ASCC3: variants seen among roughly 807,000 people sequenced by gnomAD.
The protein encoded by ASCC3 is activating signal cointegrator 1 complex subunit 3, also known as ASC-1 complex subunit P200.
ASCC3 carries 158 observed loss-of-function variants against 256.3 expected under a neutral mutation model. That is an observed-to-expected ratio of 0.62 (90% CI 0.54 to 0.70). The LOEUF is 0.70. ASCC3 is among the 30% of genes least tolerant of loss of function. The pLI, the probability that ASCC3 is intolerant of heterozygous loss-of-function variation, is 0.00. For synonymous variants in ASCC3, 948 were observed against 883.4 expected (o/e 1.07, Z -1.30); for missense variants, 2,259 against 2,626.0 (o/e 0.86, Z 3.05).
intron 4 of ASCC3, among the ~76,000 whole-genome samples, chr6:100,810,969 T>C (rs1405422881): frequency 6.6e-6 from 1 of 152,160 alleles, no homozygotes; most frequent in African/African-American, 2.4e-5. Context: ...TCCTCCTTTC[T>C]TATATCCTTC....
intron 36 of ASCC3, among the ~76,000 whole-genome samples, chr6:100,571,185 C>G (rs1044143868): frequency 9.9e-5 from 15 of 152,144 alleles, no homozygotes; most frequent in African/African-American, 2.9e-4. Context: ...TTCTGCTATT[C>G]TTTGAAATTT....
chr6:100,865,841 T>C (rs1054735359), intron 2 of ASCC3, among the ~76,000 whole-genome samples: 3 of 152,196 alleles, frequency 2.0e-5, no homozygotes, highest in Admixed American at 1.3e-4. Flanking sequence ...GCCTATAAAA[T>C]TCACAACATT....
At chr6:100,851,514 T>C (rs1772666704) in intron 3 of ASCC3, among the ~76,000 whole-genome samples, 1 of 152,222 alleles carries the variant, frequency 6.6e-6, no homozygotes, top group South Asian at 2.1e-4. Context: ...GAGAAAATAA[T>C]TGTAGACTCA....
At chr6:100,528,332 A>T (rs1774694186) in intron 37 of ASCC3, among the ~76,000 whole-genome samples, 1 of 152,210 alleles carries the variant, frequency 6.6e-6, no homozygotes, top group South Asian at 2.1e-4. Context: ...CAACAATCCC[A>T]CCAATATACT....
chr6:100,809,166 A>AT, intron 4 of ASCC3, among the ~76,000 whole-genome samples: 1 of 150,330 alleles, frequency 6.7e-6, no homozygotes. Flanking sequence ...CACTACATTT[A>AT]TTTTTTCAAA....
chr6:100,799,127 A>T (rs1769784317), intron 7 of ASCC3, among the ~76,000 whole-genome samples: 1 of 152,102 alleles, frequency 6.6e-6, no homozygotes, highest in South Asian at 2.1e-4. Context: ...ATACAAATGT[A>T]TTCATATAAT....
chr6:100,645,836 T>C (rs1235404307), intron 22 of ASCC3, among the ~76,000 whole-genome samples: 1 of 152,116 alleles, frequency 6.6e-6, no homozygotes, highest in Non-Finnish European at 1.5e-5. Flanking sequence ...AAAAACTGTA[T>C]AGTGTTAAAT....
intron 3 of ASCC3, among the ~76,000 whole-genome samples, chr6:100,853,420 C>CTTTTT (rs11299576): frequency 6.3e-5 from 8 of 127,668 alleles, no homozygotes; most frequent in South Asian, 2.5e-4. Flanking sequence ...ATAAATATTC[C>CTTTTT]TTTTTTTTTT....
At chr6:100,706,573 A>G (rs1490792620) in intron 13 of ASCC3, among the ~76,000 whole-genome samples, 1 of 151,962 alleles carries the variant, frequency 6.6e-6, no homozygotes, top group East Asian at 1.9e-4. Context: ...TTATTGAAAT[A>G]GGTATATTTA....
chr6:100,608,059 C>CGATATAT (rs1274134999), intron 30 of ASCC3, among the ~76,000 whole-genome samples: 243 of 13,908 alleles, frequency 0.017, 3 homozygotes, highest in Middle Eastern at 0.036. Context: ...TACATATATA[C>CGATATAT]ACATATATAT....
At chr6:100,740,307 T>C (rs369486953) in intron 10 of ASCC3, among the ~76,000 whole-genome samples, 10 of 152,342 alleles carry the variant, frequency 6.6e-5, no homozygotes, top group East Asian at 5.8e-4. Flanking sequence ...CTGTTGATTA[T>C]GATTTCAGTT....
chr6:100,775,163 C>T (rs114507354), intron 8 of ASCC3, among the ~76,000 whole-genome samples: 2,263 of 152,086 alleles, frequency 0.015, 56 homozygotes, highest in African/African-American at 0.052. Flanking sequence ...TGACCAAAAG[C>T]GACACGGTTA....
At chr6:100,673,484 A>G (rs1003629043) in intron 14 of ASCC3, among the ~76,000 whole-genome samples, 4 of 152,294 alleles carry the variant, frequency 2.6e-5, no homozygotes, top group Non-Finnish European at 5.9e-5. Context: ...ATTTATTGTA[A>G]GAAATTTATT....
chr6:100,607,652 C>G (rs1772970166), intron 30 of ASCC3, among the ~76,000 whole-genome samples: 1 of 151,732 alleles, frequency 6.6e-6, no homozygotes, highest in African/African-American at 2.4e-5. Context: ...TTAATTTTCC[C>G]TAAAGCCCTG....
chr6:100,779,723 G>T (rs1180966145), intron 8 of ASCC3, among the ~76,000 whole-genome samples: 1 of 152,072 alleles, frequency 6.6e-6, no homozygotes, highest in African/African-American at 2.4e-5. Context: ...GTAGGTTTAT[G>T]GATATGTTAA....
chr6:100,659,430 C>T (rs1302173385), intron 16 of ASCC3, among the ~76,000 whole-genome samples: 2 of 151,280 alleles, frequency 1.3e-5, no homozygotes, highest in African/African-American at 4.8e-5. Flanking sequence ...CAAGTTAGTT[C>T]AACAATGGCT....
intron 4 of ASCC3, among the ~76,000 whole-genome samples, chr6:100,808,150 C>A (rs2114373735): frequency 6.6e-6 from 1 of 151,856 alleles, no homozygotes; most frequent in African/African-American, 2.4e-5. Context: ...TCTGATGATA[C>A]CAGTGATAAT....
chr6:100,850,899 T>C (rs974174207), intron 3 of ASCC3, among the ~76,000 whole-genome samples: 1 of 152,128 alleles, frequency 6.6e-6, no homozygotes, highest in African/African-American at 2.4e-5. Context: ...ACAGATAATT[T>C]AAAGGGGTTG....
At chr6:100,860,428 G>C (rs887353330) in intron 3 of ASCC3, among the ~76,000 whole-genome samples, 18 of 151,842 alleles carry the variant, frequency 1.2e-4, no homozygotes, top group Non-Finnish European at 2.4e-4. Context: ...GTAAATTGTG[G>C]GGTTGGGGGT....
Sources: allele counts gnomAD v4.1 joint callset (sites outside exome capture counted in the v4.1 genomes callset), GRCh38; gene constraint gnomAD v4.1.1; transcripts MANE v1.5; gene names NCBI Gene and HGNC (gene_info 2026-07-23, HGNC 2026-07-21).